The following UEVLD variants were observed in gnomAD, a reference collection of about 807,000 sequenced individuals.
UEVLD encodes the protein ubiquitin-conjugating enzyme E2 variant 3.
In UEVLD, 47 loss-of-function variants were observed where a neutral mutation model predicts 58.6. The ratio of observed to expected loss-of-function variants is 0.80; its 90% confidence interval spans 0.63 to 1.02. The LOEUF (loss-of-function observed/expected upper bound fraction) is 1.02, where lower values mean the gene tolerates loss of function less well. Among genes scored for constraint, UEVLD ranks in the 50% least tolerant of loss-of-function variants. The pLI, the probability that UEVLD is intolerant of heterozygous loss-of-function variation, is 0.00. For missense variants in UEVLD, 510 were observed against 550.6 expected, an observed-to-expected ratio of 0.93 and a Z score of 0.74; for synonymous variants, 197 against 195.3, an observed-to-expected ratio of 1.01 and a Z score of -0.07.
At chr11:18,552,541 T>C (rs1851571893) in intron 7 of UEVLD, among the ~76,000 whole-genome samples, 1 of 150,978 alleles carries the variant, frequency 6.6e-6, no homozygotes, top group South Asian at 2.1e-4. Context: ...AGCGAGACTG[T>C]CTCAAAAAAT....
chr11:18,548,139 T>C (rs191553809), intron 7 of UEVLD, among the ~76,000 whole-genome samples: 2 of 152,296 alleles, frequency 1.3e-5, no homozygotes, highest in East Asian at 3.9e-4. Flanking sequence ...TCAACTGTTA[T>C]GACTTAGGAA....
At chr11:18,583,787 G>A (rs1853396066) in intron 1 of UEVLD, among the ~76,000 whole-genome samples, 1 of 149,760 alleles carries the variant, frequency 6.7e-6, no homozygotes, top group South Asian at 2.1e-4. Flanking sequence ...TCAGCCTCTC[G>A]AGTAGCTGGG....
intron 9 of UEVLD, among the ~76,000 whole-genome samples, chr11:18,540,126 A>G (rs1291084379): frequency 1.3e-5 from 2 of 152,222 alleles, no homozygotes; most frequent in Non-Finnish European, 2.9e-5. Flanking sequence ...CTTAAGTGAC[A>G]GCAAGGAAGA....
At chr11:18,565,155 A>G in intron 5 of UEVLD, 145 bp from the exon 6 acceptor site, 1 of 553,048 alleles carries the variant, frequency 1.8e-6, no homozygotes, top group South Asian at 2.6e-5. Context: ...TACTGAACAA[A>G]TGAATGCAAG....
At chr11:18,588,489 A>G (rs899716316) in intron 1 of UEVLD, 124 bp downstream of exon 1, 3 of 1,197,120 alleles carry the variant, frequency 2.5e-6, no homozygotes, top group Admixed American at 5.2e-5. Context: ...GTTTCAGACC[A>G]GCCGCCCCGG....
intron 6 of UEVLD, among the ~76,000 whole-genome samples, chr11:18,564,277 G>C (rs1852187706): frequency 6.6e-6 from 1 of 151,972 alleles, no homozygotes. Flanking sequence ...TAAATATATA[G>C]AGGTACAGCT....
intron 10 of UEVLD, 63 bp from the exon 11 acceptor site, chr11:18,534,516 C>G (rs1490549067): frequency 3.3e-6 from 5 of 1,502,634 alleles, no homozygotes; most frequent in Non-Finnish European, 4.4e-6. Context: ...GTTTTACATT[C>G]TGGCTAAGGT....
chr11:18,565,064 A>T, intron 5 of UEVLD, 54 bp from the exon 6 acceptor site: 1 of 1,367,512 alleles, frequency 7.3e-7, no homozygotes, highest in Non-Finnish European at 1.0e-6. Flanking sequence ...GAATTTTTTT[A>T]GGATCTTTAA....
rs376538614 is a variant in UEVLD at position 18,585,149 on chromosome 11, C to T, written c.42+3464G>A. Reference sequence around the variant, plus strand: ...CAACAGATCTGCCTGTCTTGGCCTCCCAAAGTGCTGAGATTACAGGTGTGA... The same window carrying T: ...CAACAGATCTGCCTGTCTTGGCCTCTCAAAGTGCTGAGATTACAGGTGTGA... On this transcript the variant is annotated intron_variant, in intron 1 of 11. Coordinates refer to ENST00000396197, the MANE Select transcript of UEVLD (RefSeq NM_001040697.4). 4.6e-5 allele frequency among the ~76,000 whole-genome samples: 7 copies of T among 152,232 alleles called. No individual in the cohort carries two copies. In the East Asian group the frequency reaches 5.8e-4, roughly 13 times the overall value.
At chr11:18,570,169 A>T (rs758741618) in intron 4 of UEVLD, 45 bp downstream of exon 4, 53 of 263,076 alleles carry the variant, frequency 2.0e-4, no homozygotes, top group South Asian at 3.1e-4. Context: ...ATAGGTATTT[A>T]AAAAAAAAAA....
Position 18,574,364 on chromosome 11 carries a change from C to T in UEVLD, c.193+983G>A, listed in dbSNP as rs201966627. Among the ~76,000 whole-genome samples the T allele has an allele frequency of 1.2e-4, 19 of 152,304 alleles. No individual in the cohort carries two copies. In the East Asian group the frequency reaches 3.3e-3, roughly 26 times the overall value. On this transcript the variant is annotated intron_variant, in intron 3 of 11. Transcript: ENST00000396197. ...TGTTGGCCGGGCTGGTCTTGAACTC[C>T]TGACCTCAAGTGATCTGCCCACCTA...
Position 18,534,448 on chromosome 11 carries a change from A to G in UEVLD, c.1130T>C (p.Met377Thr), listed in dbSNP as rs761875180. 2 of 1,570,328 alleles carry G rather than the reference A, an allele frequency of 1.3e-6. No homozygotes were observed. Among genetic ancestry groups the G allele is most frequent in the South Asian group, 1.2e-5 (1 of 81,202 alleles). Residue 377 changes from methionine to threonine, a missense_variant, in exon 11 of 12, where the codon ATG becomes ACG. By Grantham distance (81) the Met-to-Thr change is moderately conservative. Coordinates refer to ENST00000396197, the MANE Select transcript of UEVLD (RefSeq NM_001040697.4). Reference protein sequence around the residue: ...TSQVQLSNRAMELLRVKGQRS... With the variant: ...TSQVQLSNRATELLRVKGQRS... ...TTGACCTTTTACTCTTAGCAGTTCC[A>G]TGGCTCTAGGTTACAAAAATACGTG...
chr11:18,559,971 C>A (rs1312845390), intron 6 of UEVLD, among the ~76,000 whole-genome samples: 2 of 151,380 alleles, frequency 1.3e-5, no homozygotes. Flanking sequence ...AAGAAAACAA[C>A]CCTGGCTGGG....
chr11:18,561,306 C>T (rs576535503), intron 6 of UEVLD, among the ~76,000 whole-genome samples: 15 of 152,006 alleles, frequency 9.9e-5, no homozygotes, highest in Non-Finnish European at 1.9e-4. Context: ...AAAAATGAGT[C>T]AAGTGGGCCA....
chr11:18,566,197 C>T, intron 5 of UEVLD, 150 bp downstream of exon 5: 1 of 1,141,228 alleles, frequency 8.8e-7, no homozygotes, highest in Non-Finnish European at 1.2e-6. Context: ...CTGCGCCTGG[C>T]CTGAGGCACA....
At chr11:18,580,035 C>CTT (rs140542993) in intron 1 of UEVLD, among the ~76,000 whole-genome samples, 1,791 of 85,180 alleles carry the variant, frequency 0.021, 7 homozygotes, top group Non-Finnish European at 0.024. Context: ...TCCCAGCTGG[C>CTT]TTTTTTTTTT....
chr11:18,565,900 C>T (rs947620591), intron 5 of UEVLD, among the ~76,000 whole-genome samples: 67 of 135,746 alleles, frequency 4.9e-4, no homozygotes, highest in Middle Eastern at 7.6e-3. Flanking sequence ...CTTTTTTTTT[C>T]TTTTTTTTTT....
At chr11:18,547,090 G>A in intron 7 of UEVLD, 40 bp from the exon 8 acceptor site, 3 of 1,574,746 alleles carry the variant, frequency 1.9e-6, no homozygotes, top group Non-Finnish European at 2.6e-6. Flanking sequence ...GAAGATACAG[G>A]CTTTAATCAA....
intron 1 of UEVLD, among the ~76,000 whole-genome samples, chr11:18,586,097 T>C (rs2134082237): frequency 6.6e-6 from 1 of 152,382 alleles, no homozygotes; most frequent in South Asian, 2.1e-4. Context: ...CTGGGATATC[T>C]ATTTAATTAG....
Sources: allele counts gnomAD v4.1 joint callset (sites outside exome capture counted in the v4.1 genomes callset), GRCh38; gene constraint gnomAD v4.1.1; transcripts MANE v1.5; gene names NCBI Gene and HGNC (gene_info 2026-07-23, HGNC 2026-07-21).